ANO4: variants seen among roughly 807,000 people sequenced by gnomAD.
ANO4 encodes anoctamin 4.
ANO4 carries 69 observed loss-of-function variants against 141.9 expected under a neutral mutation model. The observed-to-expected ratio is 0.49, with a 90% CI of 0.40 to 0.59. ANO4 has a LOEUF of 0.59. Among genes scored for constraint, ANO4 ranks in the 20% least tolerant of loss-of-function variants. The probability of loss-of-function intolerance (pLI) is 0.00; values close to 1 mark genes in which losing one functional copy is unlikely to be tolerated. For synonymous variants in ANO4, 350 were observed against 394.3 expected (o/e 0.89, Z 1.33); for missense variants, 894 against 1,162.2 (o/e 0.77, Z 3.36).
chr12:100,752,093 G>A (rs1001971229), intron 3 of ANO4, among the ~76,000 whole-genome samples: 8 of 152,152 alleles, frequency 5.3e-5, no homozygotes, highest in African/African-American at 1.9e-4. Context: ...TAGGCAAAGT[G>A]TTTTTCAAAT....
At chr12:100,974,008 G>A (rs1426385867) in intron 6 of ANO4, among the ~76,000 whole-genome samples, 5 of 152,218 alleles carry the variant, frequency 3.3e-5, no homozygotes, top group Middle Eastern at 3.4e-3. Context: ...GTAACAGTTC[G>A]GGATATACAT....
At chr12:100,942,943 C>G (rs2042576567) in intron 5 of ANO4, among the ~76,000 whole-genome samples, 1 of 152,154 alleles carries the variant, frequency 6.6e-6, no homozygotes, top group African/African-American at 2.4e-5. Context: ...CTTGGGCATC[C>G]TCGTACACCA....
Position 100,897,970 on chromosome 12 carries a change from G to C in ANO4, c.-140-3676G>C, listed in dbSNP as rs186935161. 3.6e-3 allele frequency among the ~76,000 whole-genome samples: 548 copies of C among 152,304 alleles called. 2 individuals carry two copies. Among genetic ancestry groups the C allele is most frequent in the Non-Finnish European group, 5.7e-3 (389 of 68,020 alleles). ...AACCACTGCAGGCTTAAAACAATGA[G>C]TGTTTATATTGGTATTGAATCCATT... On this transcript the variant is annotated intron_variant, in intron 1 of 27. Transcript: ENST00000392977.
intron 14 of ANO4, among the ~76,000 whole-genome samples, chr12:101,075,921 A>C (rs1448588579): frequency 6.6e-6 from 1 of 152,000 alleles, no homozygotes; most frequent in East Asian, 1.9e-4. Context: ...TGCCTTGAAA[A>C]GAGACAACCT....
intron 14 of ANO4, among the ~76,000 whole-genome samples, chr12:101,066,127 C>T (rs190970184): frequency 2.0e-5 from 3 of 152,236 alleles, no homozygotes; most frequent in East Asian, 3.9e-4. Flanking sequence ...ATAATAAAAG[C>T]CACATATGAC....
chr12:100,821,169 T>C (rs531889381), intron 1 of ANO4, among the ~76,000 whole-genome samples: 1 of 152,186 alleles, frequency 6.6e-6, no homozygotes, highest in Admixed American at 6.5e-5. Flanking sequence ...CACAGTGTAG[T>C]TGTGTCTAGT....
In ANO4 at chr12:100,877,357, TTA is replaced by T. The variant is rs140180985; in HGVS notation, c.-140-24277_-140-24276del. ...TTTAATCATTCTATAATATATGATA[TTA>T]TATATATATATCAAATCATCACATT... On this transcript the variant is annotated intron_variant, in intron 1 of 27. Coordinates refer to ENST00000392977, the MANE Select transcript of ANO4 (RefSeq NM_001286615.2). 3.0e-3 allele frequency among the ~76,000 whole-genome samples: 458 copies of T among 150,408 alleles called. 2 individuals are homozygous for T. The highest frequency in any genetic ancestry group is 0.01 in the African/African-American group (413 of 40,870).
chr12:100,960,603 A>T (rs942471725), intron 5 of ANO4, among the ~76,000 whole-genome samples: 4 of 132,508 alleles, frequency 3.0e-5, no homozygotes, highest in Admixed American at 7.2e-5. Flanking sequence ...AAAGTAAAAT[A>T]AAAAAAAAAA....
intron 2 of ANO4, among the ~76,000 whole-genome samples, chr12:100,915,911 A>G (rs939622707): frequency 1.3e-5 from 2 of 152,174 alleles, no homozygotes; most frequent in Non-Finnish European, 2.9e-5. Context: ...CATATATGAC[A>G]TATGTCTATA....
chr12:100,852,914 G>T (rs1415435344), intron 1 of ANO4, among the ~76,000 whole-genome samples: 1 of 152,196 alleles, frequency 6.6e-6, no homozygotes, highest in Non-Finnish European at 1.5e-5. Context: ...CTCAAAGTTA[G>T]CAAGAATAGG....
intron 8 of ANO4, among the ~76,000 whole-genome samples, chr12:101,007,081 C>G (rs2045902258): frequency 6.6e-6 from 1 of 152,086 alleles, no homozygotes; most frequent in African/African-American, 2.4e-5. Flanking sequence ...GGCCAGGCAC[C>G]ATGGTTCATG....
intron 1 of ANO4, among the ~76,000 whole-genome samples, chr12:100,724,978 A>T (rs892025520): frequency 6.6e-6 from 1 of 152,222 alleles, no homozygotes; most frequent in Non-Finnish European, 1.5e-5. Flanking sequence ...TTTTTAAAAA[A>T]TCAGATGCAG....
intron 1 of ANO4, among the ~76,000 whole-genome samples, chr12:100,821,881 A>G (rs1281667170): frequency 6.6e-6 from 1 of 152,074 alleles, no homozygotes; most frequent in Non-Finnish European, 1.5e-5. Flanking sequence ...GGAACTGATC[A>G]TTCCATAGTT....
chr12:101,110,158 A>G (rs928934229), intron 22 of ANO4, among the ~76,000 whole-genome samples: 1 of 152,100 alleles, frequency 6.6e-6, no homozygotes, highest in Admixed American at 6.5e-5. Flanking sequence ...TTGGTTAGAG[A>G]ATGATATTTA....
chr12:100,979,181 G>A (rs1212058065), intron 7 of ANO4, among the ~76,000 whole-genome samples: 1 of 152,132 alleles, frequency 6.6e-6, no homozygotes, highest in Non-Finnish European at 1.5e-5. Flanking sequence ...CCACAAGGAG[G>A]GCTGTGCTTC....
At chr12:100,947,847 T>C (rs1026506864) in intron 5 of ANO4, among the ~76,000 whole-genome samples, 2 of 152,150 alleles carry the variant, frequency 1.3e-5, no homozygotes, top group Non-Finnish European at 2.9e-5. Flanking sequence ...TGCCCTTATA[T>C]TGTGTTGATT....
At chr12:101,083,065 G>A (rs979682850) in intron 15 of ANO4, among the ~76,000 whole-genome samples, 1 of 152,080 alleles carries the variant, frequency 6.6e-6, no homozygotes, top group African/African-American at 2.4e-5. Context: ...GTTTTGAAAG[G>A]TGCTTACCTT....
chr12:101,066,070 T>C (rs2048571715), intron 14 of ANO4, among the ~76,000 whole-genome samples: 1 of 152,178 alleles, frequency 6.6e-6, no homozygotes, highest in African/African-American at 2.4e-5. Context: ...CATTTATTCA[T>C]GATAAAAACC....
rs1247563402 is a variant in ANO4, at chr12:100,967,296, G to A, written c.457-4010G>A. On this transcript the variant is annotated intron_variant, in intron 5 of 27. Transcript: ENST00000392977. ...AATCATTTTCATTTCTTTTCACTTT[G>A]GCTCTTGTGCACTTGGATTTATGTG... Among the ~76,000 whole-genome samples, 4 of 151,968 alleles carry A rather than the reference G, an allele frequency of 2.6e-5. No homozygotes were observed. The East Asian group carries it at 7.7e-4, about 29-fold the overall frequency.
Sources: allele counts gnomAD v4.1 joint callset (sites outside exome capture counted in the v4.1 genomes callset), GRCh38; gene constraint gnomAD v4.1.1; transcripts MANE v1.5; gene names NCBI Gene and HGNC (gene_info 2026-07-23, HGNC 2026-07-21).